The following INSR variants were observed in gnomAD, a reference collection of about 807,000 sequenced individuals.
INSR encodes the protein insulin receptor.
Under a neutral mutation model 142.6 loss-of-function variants are expected in INSR, and 67 were observed. The observed-to-expected ratio is 0.47, with a 90% confidence interval of 0.39 to 0.58. The LOEUF is 0.58. Among genes scored for constraint, INSR ranks in the 20% least tolerant of loss-of-function variants. The probability of loss-of-function intolerance (pLI) is 0.00; values close to 1 mark genes in which losing one functional copy is unlikely to be tolerated. For missense variants in INSR, 1,248 were observed against 1,833.2 expected (o/e 0.68, Z 5.83); for synonymous variants, 756 against 743.1 (o/e 1.02, Z -0.28).
At chr19:7,137,966 C>CTTT in intron 13 of INSR, among the ~76,000 whole-genome samples, 1 of 133,744 alleles carries the variant, frequency 7.5e-6, no homozygotes, top group South Asian at 2.3e-4. Flanking sequence ...TTTTCTTTTT[C>CTTT]TTTTTTTTTT....
chr19:7,177,227 G>T (rs1974154597), intron 3 of INSR, among the ~76,000 whole-genome samples: 1 of 152,142 alleles, frequency 6.6e-6, no homozygotes, highest in African/African-American at 2.4e-5. Context: ...AGAGGTGGTG[G>T]GTACAGAACT....
At chr19:7,137,798 CAAAAAAAAAAAA>C (rs1176523364) in intron 13 of INSR, among the ~76,000 whole-genome samples, 1 of 41,482 alleles carries the variant, frequency 2.4e-5, no homozygotes, top group Non-Finnish European at 3.9e-5. Flanking sequence ...GACTCCATCT[CAAAAAAAAAAAA>C]AAAAAAAAAA....
chr19:7,232,732 C>T (rs991585960), intron 2 of INSR, among the ~76,000 whole-genome samples: 6 of 151,764 alleles, frequency 4.0e-5, no homozygotes, highest in Admixed American at 3.9e-4. Context: ...ATGGCGTGAA[C>T]CCGGGAGGCG....
At chr19:7,246,088 C>G (rs1976529901) in intron 2 of INSR, among the ~76,000 whole-genome samples, 1 of 152,096 alleles carries the variant, frequency 6.6e-6, no homozygotes, top group South Asian at 2.1e-4. Context: ...TACTCATGAA[C>G]CTAAAATAAG....
At chr19:7,248,230 C>T (rs976621354) in intron 2 of INSR, among the ~76,000 whole-genome samples, 7 of 151,144 alleles carry the variant, frequency 4.6e-5, no homozygotes, top group Non-Finnish European at 8.9e-5. Context: ...ACTGCAGCCT[C>T]AACCTCCCAG....
In INSR at chr19:7,132,142, T is replaced by TG; in HGVS notation, c.2842+15dup. The TG allele has an allele frequency of 6.2e-7, 1 of 1,614,048 alleles. No homozygotes were observed. The highest frequency in any genetic ancestry group is 8.5e-7 in the Non-Finnish European group (1 of 1,179,920). ...AAGCACAGCCCCAGTCAGCTGAGGC[T>TG]GCCATGGAGACTTACAATAGTCTGT... is the stretch of plus-strand genomic sequence containing the variant. On this transcript the variant is annotated intron_variant, in intron 14 of 21. Coordinates refer to ENST00000302850, the MANE Select transcript of INSR (RefSeq NM_000208.4).
intron 2 of INSR, among the ~76,000 whole-genome samples, chr19:7,266,521 G>T (rs1358760220): frequency 6.6e-6 from 1 of 152,088 alleles, no homozygotes; most frequent in Non-Finnish European, 1.5e-5. Context: ...AAGTAGCTGG[G>T]ACTACAGGCG....
At position 7,267,227 on chromosome 19, in the gene INSR, A is replaced by G. The variant is rs1363866155; in HGVS notation, c.652+118T>C. 5 of 1,044,444 alleles carry G rather than the reference A, an allele frequency of 4.8e-6. No individual in the cohort carries two copies. The Admixed American group carries it at 5.7e-5, about 12-fold the overall frequency. 64.7% of individuals were successfully genotyped at this position (1,044,444 alleles called of 1,614,324 possible). A position where few individuals can be genotyped will look rare whatever the true frequency, so the allele number is the denominator to read the frequency against. On this transcript the variant is annotated intron_variant, in intron 2 of 21. Coordinates refer to ENST00000302850, the MANE Select transcript of INSR (RefSeq NM_000208.4). The surrounding 1 kb of genome is among the most constrained non-coding windows in gnomAD (Gnocchi z 6.3). ...ACTCCCTGGGCTAGTGAATGCCACC[A>G]CCCACTATTCCCCGGCCCCTACCTA...
intron 2 of INSR, among the ~76,000 whole-genome samples, chr19:7,185,798 GT>G (rs1457541487): frequency 6.6e-5 from 8 of 120,930 alleles, no homozygotes; most frequent in Non-Finnish European, 3.2e-5. Flanking sequence ...AGCCATGATC[GT>G]GCCACTATAC....
chr19:7,286,497 C>T (rs1386906454), intron 1 of INSR, among the ~76,000 whole-genome samples: 3 of 151,940 alleles, frequency 2.0e-5, no homozygotes, highest in Non-Finnish European at 4.4e-5. Flanking sequence ...AAGCGATCCT[C>T]CCACCTCAGC....
chr19:7,283,005 G>A (rs1053359731), intron 1 of INSR, among the ~76,000 whole-genome samples: 1 of 117,312 alleles, frequency 8.5e-6, no homozygotes, highest in Non-Finnish European at 1.9e-5. Flanking sequence ...ATAATAATAG[G>A]CAACATGGTG....
chr19:7,217,805 C>T lies in INSR; in HGVS notation c.653-33168G>A, dbSNP rs368639584. Among the ~76,000 whole-genome samples the T allele has an allele frequency of 6.6e-5, 10 of 152,352 alleles. No homozygotes were observed. In the South Asian group the frequency reaches 1.0e-3, roughly 16 times the overall value. The stretch of plus-strand genomic sequence containing the variant: ...CGATCTCCTGACCTCGTGATCCACC[C>T]GCCTTGGCCTCCCAAAGTGCTGGGA... On this transcript the variant is annotated intron_variant, in intron 2 of 21. Transcript: ENST00000302850.
rs1478382032 is a variant in INSR at position 7,125,183 on chromosome 19, G to A, written c.3258+100C>T. 2 of 1,443,690 alleles carry A rather than the reference G, an allele frequency of 1.4e-6. No homozygotes were observed. Among genetic ancestry groups the A allele is most frequent in the Non-Finnish European group, 1.9e-6 (2 of 1,038,488 alleles). The allele number at this position is 1,443,690 out of a possible 1,614,324, so 89.4% of individuals were successfully genotyped here. A position where few individuals can be genotyped will look rare whatever the true frequency, so the allele number is the denominator to read the frequency against. ...TTAGTGGAGTGAGGGGTGGGTAGGA[G>A]GTTACACCCTGTGTCCTCTGTCGCT... On this transcript the variant is annotated intron_variant, in intron 17 of 21. Coordinates refer to ENST00000302850, the MANE Select transcript of INSR (RefSeq NM_000208.4). The surrounding 1 kb of genome is among the most constrained non-coding windows in gnomAD (Gnocchi z 4.9).
intron 2 of INSR, among the ~76,000 whole-genome samples, chr19:7,186,700 C>A (rs1002539969): frequency 6.6e-6 from 1 of 151,286 alleles, no homozygotes; most frequent in African/African-American, 2.4e-5. Flanking sequence ...TTTTTCTTTT[C>A]TTTTTTTTTA....
At position 7,152,405 on chromosome 19, in the gene INSR, GA is replaced by G. The variant is rs77282303; in HGVS notation, c.2231+320del. ...AAAAAAAAAAAAAAAGAGAGAGAGA[GA>G]AAAAAAAAAATGTTAATCGTCTAAC... On this transcript the variant is annotated intron_variant, in intron 10 of 21. Transcript: ENST00000302850. The G allele has an allele frequency of 0.041, 13,857 of 337,718 alleles. 1,477 individuals carry two copies. In the East Asian group the frequency reaches 0.46, roughly 11 times the overall value. The allele number at this position is 337,718 out of a possible 1,614,324, so 20.9% of individuals were successfully genotyped here. A position where few individuals can be genotyped will look rare whatever the true frequency, so the allele number is the denominator to read the frequency against.
At chr19:7,155,540 C>CAAAAAAA (rs57822054) in intron 9 of INSR, among the ~76,000 whole-genome samples, 1 of 103,080 alleles carries the variant, frequency 9.7e-6, no homozygotes, top group African/African-American at 4.2e-5. Context: ...TTCCATCTCT[C>CAAAAAAA]AAAAAAAAAA....
intron 3 of INSR, among the ~76,000 whole-genome samples, chr19:7,179,422 A>C (rs1454202998): frequency 6.6e-6 from 1 of 152,252 alleles, no homozygotes; most frequent in Non-Finnish European, 1.5e-5. Flanking sequence ...GGATGGTGTC[A>C]GAACGGTGTT....
Position 7,116,914 on chromosome 19 carries a change from G to A in INSR, c.*142C>T. On this transcript the variant is annotated 3_prime_UTR_variant, in exon 22 of 22. Coordinates refer to ENST00000302850, the MANE Select transcript of INSR (RefSeq NM_000208.4). The stretch of plus-strand genomic sequence containing the variant: ...TGGTAACCAAACGAGTCCACCTTAA[G>A]ATGAACAGAAATGTATAGGAACGAT... The A allele has an allele frequency of 1.3e-6, 1 of 751,280 alleles. No homozygotes were observed. Among genetic ancestry groups the A allele is most frequent in the Non-Finnish European group, 2.4e-6 (1 of 419,902 alleles). 46.5% of individuals were successfully genotyped at this position (751,280 alleles called of 1,614,324 possible).
intron 1 of INSR, among the ~76,000 whole-genome samples, chr19:7,279,610 G>A (rs983705422): frequency 3.3e-5 from 5 of 151,580 alleles, no homozygotes; most frequent in Non-Finnish European, 4.4e-5. Context: ...GAAGATGGGG[G>A]AACAGGTACG....
Sources: allele counts gnomAD v4.1 joint callset (sites outside exome capture counted in the v4.1 genomes callset), GRCh38; gene constraint gnomAD v4.1.1; non-coding constraint Gnocchi (gnomAD v3.1); transcripts MANE v1.5; gene names NCBI Gene and HGNC (gene_info 2026-07-23, HGNC 2026-07-21).